The following ALDH1L2 variants were observed in gnomAD, a reference collection of about 807,000 sequenced individuals.
ALDH1L2 encodes aldehyde dehydrogenase 1 family member L2, also known as mitochondrial 10-formyltetrahydrofolate dehydrogenase.
ALDH1L2 carries 91 observed loss-of-function variants against 111.0 expected under a neutral mutation model. The ratio of observed to expected loss-of-function variants is 0.82; its 90% CI spans 0.69 to 0.98. The LOEUF is 0.98. Ranked by LOEUF, ALDH1L2 falls within the 50% of genes least tolerant of loss-of-function variation. The pLI is 0.00. For synonymous variants in ALDH1L2, 374 were observed against 392.6 expected (o/e 0.95, Z 0.56); for missense variants, 995 against 1,126.8 (o/e 0.88, Z 1.67).
chr12:105,057,764 A>G (rs1223614735), intron 10 of ALDH1L2, among the ~76,000 whole-genome samples: 3 of 152,232 alleles, frequency 2.0e-5, no homozygotes, highest in African/African-American at 7.2e-5. Context: ...CAATTTTGGA[A>G]CATTTTTTGT....
chr12:105,062,231 A>G (rs1877043305), intron 7 of ALDH1L2, among the ~76,000 whole-genome samples: 1 of 152,236 alleles, frequency 6.6e-6, no homozygotes, highest in South Asian at 2.1e-4. Flanking sequence ...TGCCATTATT[A>G]TTCCCATTTT....
At chr12:105,064,572 A>T (rs1245385446) in intron 6 of ALDH1L2, among the ~76,000 whole-genome samples, 1 of 152,124 alleles carries the variant, frequency 6.6e-6, no homozygotes, top group Non-Finnish European at 1.5e-5. Flanking sequence ...CCTTGCCCCT[A>T]AGGAGTTCAC....
At chr12:105,027,306 A>G (rs985029586) in intron 21 of ALDH1L2, among the ~76,000 whole-genome samples, 5 of 152,214 alleles carry the variant, frequency 3.3e-5, no homozygotes, top group Non-Finnish European at 7.3e-5. Flanking sequence ...CATATATTCA[A>G]TCTTCTTCAA....
Position 105,039,774 on chromosome 12 carries a change from G to T in ALDH1L2, c.1984C>A (p.Pro662Thr). Reference protein sequence around the residue: ...GIAGQRLSEHPDIRKLGFTGS... With the variant: ...GIAGQRLSEHTDIRKLGFTGS... ...GTGAAACCAAGTTTGCGGATGTCAG[G>T]ATGTTCAGACAGACGTTGTCCTGCT... Residue 662 changes from proline (P) to threonine (T), a missense_variant, in exon 17 of 23, where the codon CCT becomes ACT. Physicochemically the swap from Pro to Thr is conservative, Grantham distance 38. Coordinates refer to ENST00000258494, the MANE Select transcript of ALDH1L2 (RefSeq NM_001034173.4). 1 of 1,614,038 alleles carries T rather than the reference G, an allele frequency of 6.2e-7. No homozygotes were observed. Among genetic ancestry groups the T allele is most frequent in the Middle Eastern group, 1.6e-4 (1 of 6,062 alleles).
intron 15 of ALDH1L2, among the ~76,000 whole-genome samples, chr12:105,043,793 GC>G (rs1356894088): frequency 6.6e-6 from 1 of 152,180 alleles, no homozygotes; most frequent in Non-Finnish European, 1.5e-5. Context: ...ACATGGGAAA[GC>G]CTCTAGTATG....
intron 6 of ALDH1L2, 151 bp downstream of exon 6, chr12:105,065,116 T>A: frequency 2.2e-6 from 1 of 460,624 alleles, no homozygotes; most frequent in Non-Finnish European, 4.0e-6. Flanking sequence ...GCACAATAAA[T>A]GCTTAATACA....
Position 105,022,567 on chromosome 12 carries a change from C to T in ALDH1L2, c.*1857G>A, listed in dbSNP as rs1874213663. ...ACATGAAATCAGTTAAAACATTTCA[C>T]TTAAAAGTGATTACTTATAAAAAGG... is the stretch of plus-strand genomic sequence containing the variant. On this transcript the variant is annotated 3_prime_UTR_variant, in exon 23 of 23. Coordinates refer to ENST00000258494, the MANE Select transcript of ALDH1L2 (RefSeq NM_001034173.4). The T allele has an allele frequency of 1.3e-5, 2 of 152,168 alleles. No homozygotes were observed. The highest frequency in any genetic ancestry group is 2.4e-5 in the African/African-American group (1 of 41,436). 9.4% of individuals were successfully genotyped at this position (152,168 alleles called of 1,614,324 possible).
intron 22 of ALDH1L2, 114 bp from the exon 23 acceptor site, chr12:105,024,593 G>C: frequency 1.9e-6 from 2 of 1,035,392 alleles, no homozygotes; most frequent in Middle Eastern, 2.1e-4. Context: ...AATAGAATGT[G>C]GCCTAAGCCA....
chr12:105,065,458 A>C (rs1237963107), intron 5 of ALDH1L2, 102 bp from the exon 6 acceptor site: 2 of 926,674 alleles, frequency 2.2e-6, no homozygotes, highest in Non-Finnish European at 3.3e-6. Flanking sequence ...TGTTATTGGG[A>C]AATAAAGGAA....
chr12:105,062,831 T>G, intron 7 of ALDH1L2, 57 bp downstream of exon 7: 1 of 1,568,376 alleles, frequency 6.4e-7, no homozygotes, highest in Non-Finnish European at 8.6e-7. Context: ...CTTAATAGCT[T>G]GGGTTATAGA....
At chr12:105,060,166 TG>T (rs760840470) in intron 9 of ALDH1L2, among the ~76,000 whole-genome samples, 5 of 149,250 alleles carry the variant, frequency 3.4e-5, no homozygotes, top group African/African-American at 4.9e-5. Context: ...AGGTAATTTA[TG>T]GGGGGGGCGA....
chr12:105,037,858 G>A (rs1218243566), intron 18 of ALDH1L2, among the ~76,000 whole-genome samples: 5 of 151,332 alleles, frequency 3.3e-5, no homozygotes, highest in African/African-American at 1.2e-4. Flanking sequence ...TCCGCCTCCT[G>A]GGTTCAAGAG....
rs1231292957 is a variant in ALDH1L2 at position 105,038,109 on chromosome 12, C to T, written c.2139G>A (p.Val713=). 1 of 1,613,448 alleles carries T rather than the reference C, an allele frequency of 6.2e-7. No homozygotes were observed. Among genetic ancestry groups the T allele is most frequent in the Non-Finnish European group, 8.5e-7 (1 of 1,179,544 alleles). The change falls in exon 18 of 23, where the codon GTG becomes GTA. Residue 713 remains valine, a synonymous_variant. Coordinates refer to ENST00000258494, the MANE Select transcript of ALDH1L2 (RefSeq NM_001034173.4). ...IFNDCELDKA[V]RMGMGAVFFN... ...AAATTTGACCCTCTCTTACCATTCG[C>T]ACAGCCTTGTCAAGTTCACAGTCAT...
intron 20 of ALDH1L2, among the ~76,000 whole-genome samples, chr12:105,030,820 C>T (rs1044167289): frequency 1.3e-5 from 2 of 152,150 alleles, no homozygotes; most frequent in South Asian, 4.1e-4. Context: ...TCATGCTTAA[C>T]AAAATTAGTA....
At chr12:105,081,486 G>A (rs781259372) in intron 1 of ALDH1L2, among the ~76,000 whole-genome samples, 11 of 152,164 alleles carry the variant, frequency 7.2e-5, no homozygotes, top group Non-Finnish European at 1.6e-4. Flanking sequence ...GTTACCTGGA[G>A]CCAGGCTATA....
intron 11 of ALDH1L2, 124 bp downstream of exon 11, chr12:105,052,688 G>T: frequency 8.6e-7 from 1 of 1,158,488 alleles, no homozygotes; most frequent in Non-Finnish European, 1.2e-6. Context: ...AAGTACATTT[G>T]TGTGAAGTAC....
chr12:105,052,102 C>T lies in ALDH1L2; in HGVS notation c.1523G>A (p.Arg508Lys). 6.2e-7 allele frequency: 1 copy of T among 1,605,090 alleles called. No individual in the cohort carries two copies. The highest frequency in any genetic ancestry group is 1.1e-5 in the South Asian group (1 of 89,072). ...AAAATAGAAATACCTATACATCAATCTTCCTCTTTCTCTTGCATTCATTCT... is the reference window on the plus strand; with the variant it reads ...AAAATAGAAATACCTATACATCAATTTTCCTCTTTCTCTTGCATTCATTCT... ...WGRMNARERG[R>K]LMYRLADLLE... The change falls in exon 12 of 23, where the codon AGA becomes AAA. Residue 508 changes from arginine (R) to lysine (K), a missense_variant. Coordinates refer to ENST00000258494, the MANE Select transcript of ALDH1L2 (RefSeq NM_001034173.4).
intron 9 of ALDH1L2, among the ~76,000 whole-genome samples, chr12:105,059,072 C>A (rs1158013352): frequency 2.0e-5 from 3 of 151,638 alleles, no homozygotes; most frequent in African/African-American, 4.9e-5. Context: ...ATCGAGACCA[C>A]CCTGGCCAAC....
rs113025441 is a variant in ALDH1L2 at position 105,039,878 on chromosome 12, C to A, written c.1952-72G>T. On this transcript the variant is annotated intron_variant, in intron 16 of 22. Transcript: ENST00000258494. Reference sequence around the variant, plus strand: ...GGGCGCGGTGGCTTACGCCTGTAATCCCCGCACTTTGGGAGGCTGAGGCAA... The same window carrying A: ...GGGCGCGGTGGCTTACGCCTGTAATACCCGCACTTTGGGAGGCTGAGGCAA... 1.2e-4 allele frequency: 158 copies of A among 1,372,256 alleles called. 2 individuals carry two copies. The African/African-American group carries it at 2.0e-3, about 18-fold the overall frequency. The allele number at this position is 1,372,256 out of a possible 1,614,324, so 85.0% of individuals were successfully genotyped here. A position where few individuals can be genotyped will look rare whatever the true frequency, so the allele number is the denominator to read the frequency against.
Sources: gnomAD v4.1 joint callset for allele counts (sites outside exome capture counted in the v4.1 genomes callset) on GRCh38, gnomAD v4.1.1 for gene constraint, MANE v1.5 for transcripts, NCBI Gene and HGNC (gene_info 2026-07-23, HGNC 2026-07-21) for gene names.